The following MARCHF1 variants were observed in gnomAD, a reference collection of about 807,000 sequenced individuals.
MARCHF1 encodes E3 ubiquitin-protein ligase MARCHF1.
MARCHF1 carries 40 observed loss-of-function variants against 54.2 expected under a neutral mutation model. The ratio of observed to expected loss-of-function variants is 0.74; its 90% confidence interval spans 0.57 to 0.96. The LOEUF (loss-of-function observed/expected upper bound fraction) is 0.96. MARCHF1 is among the 40% of genes least tolerant of loss of function. The probability of loss-of-function intolerance (pLI) is 0.00; values close to 1 mark genes in which losing one functional copy is unlikely to be tolerated. For missense variants in MARCHF1, 586 were observed against 656.5 expected (o/e 0.89, Z 1.17); for synonymous variants, 236 against 236.3 (o/e 1.00, Z 0.01).
intron 4 of MARCHF1, among the ~76,000 whole-genome samples, chr4:163,703,567 C>T (rs1020908693): frequency 1.3e-5 from 2 of 152,066 alleles, no homozygotes; most frequent in African/African-American, 4.8e-5. Flanking sequence ...GTCTCAGAAT[C>T]TCAGAATCTA....
intron 3 of MARCHF1, among the ~76,000 whole-genome samples, chr4:163,987,695 T>C (rs1356200492): frequency 1.3e-5 from 2 of 152,206 alleles, no homozygotes; most frequent in Non-Finnish European, 1.5e-5. Context: ...CGGCATTCTA[T>C]CTCAAGCTCC....
chr4:163,916,100 C>G (rs906935539), intron 3 of MARCHF1, among the ~76,000 whole-genome samples: 26 of 152,166 alleles, frequency 1.7e-4, no homozygotes, highest in African/African-American at 6.3e-4. Context: ...GTGCATGGAA[C>G]TTGGAGCCTG....
intron 3 of MARCHF1, among the ~76,000 whole-genome samples, chr4:163,948,136 T>C (rs1346615675): frequency 6.6e-6 from 1 of 152,218 alleles, no homozygotes; most frequent in Non-Finnish European, 1.5e-5. Flanking sequence ...CAAAGATCTA[T>C]CTGATGACAA....
intron 2 of MARCHF1, among the ~76,000 whole-genome samples, chr4:164,088,457 G>T (rs1755234622): frequency 6.6e-6 from 1 of 152,148 alleles, no homozygotes; most frequent in South Asian, 2.1e-4. Context: ...AAATCCAATG[G>T]CCAGGTGTGG....
At chr4:164,138,879 A>G (rs542571516) in intron 1 of MARCHF1, among the ~76,000 whole-genome samples, 1 of 152,334 alleles carries the variant, frequency 6.6e-6, no homozygotes, top group East Asian at 1.9e-4. Flanking sequence ...TGATTTTGAA[A>G]AAAAAGTATT....
chr4:164,145,526 A>G (rs1163804349), intron 1 of MARCHF1, among the ~76,000 whole-genome samples: 1 of 152,006 alleles, frequency 6.6e-6, no homozygotes, highest in African/African-American at 2.4e-5. Flanking sequence ...ATATACACAA[A>G]TCAATAAATG....
At chr4:164,334,153 A>G (rs138387124) in intron 1 of MARCHF1, among the ~76,000 whole-genome samples, 187 of 152,320 alleles carry the variant, frequency 1.2e-3, no homozygotes, top group Admixed American at 3.1e-3. Flanking sequence ...TGCAGCAGGT[A>G]ATCCAGAATA....
chr4:164,285,976 T>C (rs572767660), intron 1 of MARCHF1, among the ~76,000 whole-genome samples: 7 of 152,154 alleles, frequency 4.6e-5, no homozygotes, highest in Non-Finnish European at 8.8e-5. Flanking sequence ...CCCTTCAGCA[T>C]GACTGGGAGT....
intron 7 of MARCHF1, among the ~76,000 whole-genome samples, chr4:163,591,275 C>T (rs1257206466): frequency 6.6e-6 from 1 of 151,848 alleles, no homozygotes; most frequent in Non-Finnish European, 1.5e-5. Context: ...GTTCTTCATA[C>T]CTTTGACACC....
chr4:163,561,573 A>G (rs1739468790), intron 8 of MARCHF1, among the ~76,000 whole-genome samples: 1 of 152,208 alleles, frequency 6.6e-6, no homozygotes, highest in Non-Finnish European at 1.5e-5. Context: ...TTATTTCACT[A>G]TTAGCACGTT....
chr4:163,722,340 TTGAG>T (rs1561039847), intron 4 of MARCHF1, among the ~76,000 whole-genome samples: 1 of 152,174 alleles, frequency 6.6e-6, no homozygotes, highest in African/African-American at 2.4e-5. Context: ...TTGAGCGGTT[TTGAG>T]TGAGTTTCTG....
At chr4:164,037,309 T>A (rs999608618) in intron 2 of MARCHF1, among the ~76,000 whole-genome samples, 1 of 152,108 alleles carries the variant, frequency 6.6e-6, no homozygotes, top group African/African-American at 2.4e-5. Flanking sequence ...CTAGCTTAGG[T>A]CATCAAGGAA....
chr4:164,098,127 A>T (rs760388673), intron 2 of MARCHF1, among the ~76,000 whole-genome samples: 4 of 152,196 alleles, frequency 2.6e-5, no homozygotes, highest in African/African-American at 4.8e-5. Flanking sequence ...TCATGCTTTC[A>T]GCTTACCACT....
chr4:163,774,688 G>T (rs570715631), intron 4 of MARCHF1, among the ~76,000 whole-genome samples: 1 of 152,106 alleles, frequency 6.6e-6, no homozygotes, highest in African/African-American at 2.4e-5. Context: ...TAGAGATGGG[G>T]TTTTATCATG....
chr4:164,071,018 C>T (rs891421684), intron 2 of MARCHF1, among the ~76,000 whole-genome samples: 2 of 152,154 alleles, frequency 1.3e-5, no homozygotes, highest in South Asian at 4.1e-4. Context: ...AAGAGCCTTT[C>T]GCCTCCCACC....
intron 2 of MARCHF1, among the ~76,000 whole-genome samples, chr4:164,015,910 A>T (rs1274191217): frequency 6.6e-6 from 1 of 151,994 alleles, no homozygotes; most frequent in African/African-American, 2.4e-5. Context: ...CAAAAAAAAA[A>T]AAAACTAAAA....
At chr4:163,577,811 G>A (rs1055212262) in intron 8 of MARCHF1, among the ~76,000 whole-genome samples, 1 of 151,456 alleles carries the variant, frequency 6.6e-6, no homozygotes, top group Non-Finnish European at 1.5e-5. Context: ...TGTCTAACTG[G>A]GTGAGTTCAA....
At chr4:164,280,400 T>C (rs887939506) in intron 1 of MARCHF1, among the ~76,000 whole-genome samples, 4 of 152,076 alleles carry the variant, frequency 2.6e-5, no homozygotes, top group Admixed American at 1.3e-4. Context: ...AGAGTAGCAA[T>C]AGACCTAGTT....
At chr4:163,795,460 C>G (rs947797284) in intron 4 of MARCHF1, among the ~76,000 whole-genome samples, 11 of 152,166 alleles carry the variant, frequency 7.2e-5, no homozygotes, top group African/African-American at 2.7e-4. Flanking sequence ...GAACTCCCAG[C>G]CTCAGGCAAT....
Sources: gnomAD v4.1 joint callset for allele counts (sites outside exome capture counted in the v4.1 genomes callset) on GRCh38, gnomAD v4.1.1 for gene constraint, MANE v1.5 for transcripts, NCBI Gene and HGNC (gene_info 2026-07-23, HGNC 2026-07-21) for gene names.